The following YBEY variants were observed in gnomAD, a reference collection of about 807,000 sequenced individuals.
YBEY encodes the protein endoribonuclease YbeY.
A neutral mutation model predicts 13.5 loss-of-function variants in YBEY; 15 were observed. The ratio of observed to expected loss-of-function variants is 1.11; its 90% CI spans 0.75 to 1.72. The LOEUF (loss-of-function observed/expected upper bound fraction) is 1.72. YBEY is among the 40% of genes most tolerant of loss of function. The pLI is 0.00. For missense variants in YBEY, 244 were observed against 208.4 expected, an observed-to-expected ratio of 1.17 and a Z score of -1.05; for synonymous variants, 101 against 83.1, an observed-to-expected ratio of 1.21 and a Z score of -1.17.
intron 2 of YBEY, among the ~76,000 whole-genome samples, chr21:46,289,733 C>T (rs62226486): frequency 0.29 from 44,341 of 151,922 alleles, 7,177 homozygotes; most frequent in Admixed American, 0.39. Context: ...GGATTACAGG[C>T]GTGAGCCACT....
the YBEY span, among the ~76,000 whole-genome samples, chr21:46,303,741 ATATATTTTTTTTTT>A: frequency 7.1e-3 from 173 of 24,222 alleles, 1 homozygote; most frequent in Non-Finnish European, 0.011. Context: ...ATATATATAT[ATATATTTTTTTTTT>A]TTTTTTTTTT....
chr21:46,297,523 G>GCTTC lies in YBEY; in HGVS notation c.409-6_409-3dup, dbSNP rs1178429887. Reference sequence around the variant, plus strand: ...CACCTTCCCTGGGGAGGGCCAGCGCGCTTCCTTCCTTCCAGATGTTCCAGA... The same window carrying GCTTC: ...CACCTTCCCTGGGGAGGGCCAGCGCGCTTCCTTCCTTCCTTCCAGATGTTCCAGA... On this transcript the variant is annotated splice_polypyrimidine_tract_variant and intron_variant, in intron 4 of 4. Transcript: ENST00000397701. The GCTTC allele has an allele frequency of 2.2e-6, 3 of 1,365,508 alleles. No homozygotes were observed. Among genetic ancestry groups the GCTTC allele is most frequent in the Non-Finnish European group, 9.5e-7 (1 of 1,048,368 alleles). 84.6% of individuals were successfully genotyped at this position (1,365,508 alleles called of 1,614,324 possible).
chr21:46,296,596 CG>C, intron 4 of YBEY, among the ~76,000 whole-genome samples: 1 of 152,288 alleles, frequency 6.6e-6, no homozygotes, highest in East Asian at 1.9e-4. Context: ...GCTCCGCCTA[CG>C]GAGGCCCACG....
chr21:46,305,501 G>T, the YBEY span, among the ~76,000 whole-genome samples: 2 of 151,634 alleles, frequency 1.3e-5, no homozygotes, highest in Non-Finnish European at 2.9e-5. Context: ...AACTAATTTT[G>T]ATATGTTTTG....
At chr21:46,287,466 G>A (rs2081500912) in intron 2 of YBEY, among the ~76,000 whole-genome samples, 1 of 152,120 alleles carries the variant, frequency 6.6e-6, no homozygotes, top group Non-Finnish European at 1.5e-5. Flanking sequence ...TTCCCAGAGT[G>A]TTGGGATTAC....
intron 2 of YBEY, 118 bp from the exon 3 acceptor site, chr21:46,291,216 A>AAAG (rs371481603): frequency 0.042 from 37,722 of 904,396 alleles, 579 homozygotes; most frequent in Non-Finnish European, 0.044. Context: ...AAAAAAAAAA[A>AAAG]GTGATTTGGC....
chr21:46,298,672 G>A (rs1467488788), downstream of YBEY, among the ~76,000 whole-genome samples: 9 of 151,246 alleles, frequency 6.0e-5, no homozygotes, highest in Non-Finnish European at 1.0e-4. Flanking sequence ...CTCGTGATCC[G>A]CCCACCTCGG....
At chr21:46,302,134 C>G (rs779024288), downstream of YBEY, 27 of 1,508,778 alleles carry the variant, frequency 1.8e-5, no homozygotes, top group East Asian at 6.6e-4. Flanking sequence ...GTGGGACCCT[C>G]GGGGGCACAT....
intron 4 of YBEY, 40 bp downstream of exon 4, chr21:46,296,270 G>A (rs1452690523): frequency 6.2e-7 from 1 of 1,610,772 alleles, no homozygotes; most frequent in Non-Finnish European, 8.5e-7. Context: ...GGGGTGCGTG[G>A]GGGAAGGAGG....
At chr21:46,298,665 G>C (rs1222734507), downstream of YBEY, among the ~76,000 whole-genome samples, 8 of 151,754 alleles carry the variant, frequency 5.3e-5, no homozygotes, top group Non-Finnish European at 1.0e-4. Flanking sequence ...TCCTGACCTC[G>C]TGATCCGCCC....
At chr21:46,312,736 T>C in the YBEY span, among the ~76,000 whole-genome samples, 1 of 152,216 alleles carries the variant, frequency 6.6e-6, no homozygotes, top group Non-Finnish European at 1.5e-5. Context: ...GGCTTTAATT[T>C]GCATTTCCCT....
At chr21:46,307,260 C>T in the YBEY span, among the ~76,000 whole-genome samples, 1 of 152,196 alleles carries the variant, frequency 6.6e-6, no homozygotes, top group Non-Finnish European at 1.5e-5. Context: ...GATCTTCCTG[C>T]TTCAGCCTCC....
At chr21:46,289,541 G>A (rs369003938) in intron 2 of YBEY, among the ~76,000 whole-genome samples, 13 of 147,842 alleles carry the variant, frequency 8.8e-5, no homozygotes, top group African/African-American at 2.7e-4. Flanking sequence ...CACCTCTCAG[G>A]TCCAAGCGAT....
the YBEY span, chr21:46,311,623 A>C: frequency 9.7e-7 from 1 of 1,035,234 alleles, no homozygotes; most frequent in East Asian, 2.6e-5. Flanking sequence ...AAGTGTCTCC[A>C]GTATCTACCA....
chr21:46,303,707 AAATATATATATATATATATATATATAT>A, the YBEY span, among the ~76,000 whole-genome samples: 1 of 41,528 alleles, frequency 2.4e-5, no homozygotes, highest in Non-Finnish European at 4.5e-5. Flanking sequence ...CACACACACA[AAATATATATATATATATATATATATAT>A]ATATATATAT....
In YBEY at chr21:46,297,682, G is replaced by A. The variant is rs1476359877; in HGVS notation, c.*48G>A. On this transcript the variant is annotated 3_prime_UTR_variant, in exon 5 of 5. Transcript: ENST00000397701. The stretch of plus-strand genomic sequence containing the variant: ...GGGACGCGGGAGGGGTGGAGGCTGC[G>A]GGGAGCCGGGGTCGCACACGAATAA... 1.6e-6 allele frequency: 2 copies of A among 1,273,488 alleles called. No individual in the cohort carries two copies. The highest frequency in any genetic ancestry group is 3.1e-5 in the African/African-American group (2 of 64,614). The allele number at this position is 1,273,488 out of a possible 1,614,324, so 78.9% of individuals were successfully genotyped here.
downstream of YBEY, chr21:46,301,174 C>T: frequency 2.7e-6 from 2 of 749,330 alleles, no homozygotes; most frequent in Non-Finnish European, 1.6e-6. Flanking sequence ...CAGGGGCCTG[C>T]TCTGTGGTCC....
chr21:46,307,717 A>T, the YBEY span, among the ~76,000 whole-genome samples: 1 of 152,170 alleles, frequency 6.6e-6, no homozygotes, highest in African/African-American at 2.4e-5. Flanking sequence ...AAGTCAGCAC[A>T]GGGGTTGGGA....
chr21:46,298,971 C>T (rs1260679758), downstream of YBEY, among the ~76,000 whole-genome samples: 2 of 152,062 alleles, frequency 1.3e-5, no homozygotes, highest in Non-Finnish European at 2.9e-5. Flanking sequence ...ATCTGCCCGC[C>T]TCAGCCTCCC....
Sources: gnomAD v4.1 joint callset for allele counts (sites outside exome capture counted in the v4.1 genomes callset) on GRCh38, gnomAD v4.1.1 for gene constraint, MANE v1.5 for transcripts, NCBI Gene and HGNC (gene_info 2026-07-23, HGNC 2026-07-21) for gene names.